NSD3: variants seen among roughly 807,000 people sequenced by gnomAD.
NSD3 encodes the protein nuclear receptor binding SET domain protein 3.
In NSD3, 24 loss-of-function variants were observed where a neutral mutation model predicts 160.8. That is an observed-to-expected ratio of 0.15 (90% confidence interval 0.11 to 0.21). The LOEUF (loss-of-function observed/expected upper bound fraction) is 0.21, where lower values mean the gene tolerates loss of function less well. NSD3 is among the 10% of genes least tolerant of loss of function. The pLI is 1.00. For missense variants in NSD3, 1,157 were observed against 1,735.9 expected (o/e 0.67, Z 5.93); for synonymous variants, 520 against 600.0 (o/e 0.87, Z 1.95).
intron 1 of NSD3, among the ~76,000 whole-genome samples, chr8:38,365,423 G>C (rs761969838): frequency 6.6e-6 from 1 of 152,196 alleles, no homozygotes. Flanking sequence ...GGAAATTTCA[G>C]ATAGTGATAT....
chr8:38,367,751 C>A (rs1277405811), intron 1 of NSD3, among the ~76,000 whole-genome samples: 1 of 152,072 alleles, frequency 6.6e-6, no homozygotes, highest in African/African-American at 2.4e-5. Flanking sequence ...TAAATCTCAT[C>A]TATCACCTTA....
chr8:38,346,816 AAAAT>A (rs1173632062), intron 2 of NSD3, among the ~76,000 whole-genome samples: 2 of 152,218 alleles, frequency 1.3e-5, no homozygotes, highest in Non-Finnish European at 1.5e-5. Context: ...AGCTGTCATA[AAAAT>A]AAATATAGTT....
At chr8:38,315,638 AT>A in intron 10 of NSD3, 94 bp from the exon 11 acceptor site, 1 of 1,523,886 alleles carries the variant, frequency 6.6e-7, no homozygotes, top group Non-Finnish European at 8.9e-7. Flanking sequence ...TTGCTCAAAC[AT>A]TAGATCTTGA....
intron 19 of NSD3, among the ~76,000 whole-genome samples, chr8:38,281,997 G>GT (rs796557498): frequency 6.6e-6 from 1 of 152,280 alleles, no homozygotes; most frequent in African/African-American, 2.4e-5. Context: ...TTCTTTTCAA[G>GT]TAATTACTGA....
intron 22 of NSD3, 160 bp from the exon 23 acceptor site, chr8:38,276,660 A>AT: frequency 1.4e-6 from 1 of 729,414 alleles, no homozygotes; most frequent in Non-Finnish European, 2.2e-6. Context: ...TATAACAAAA[A>AT]TAAAGTTTTG....
intron 4 of NSD3, among the ~76,000 whole-genome samples, chr8:38,336,982 A>G (rs1309287790): frequency 6.6e-6 from 1 of 152,114 alleles, no homozygotes; most frequent in Non-Finnish European, 1.5e-5. Context: ...TCTGTATTAA[A>G]AATACAAAAA....
Position 38,329,951 on chromosome 8 carries a change from G to A in NSD3, c.1066-58C>T, listed in dbSNP as rs1810014079. 1 of 1,497,584 alleles carries A rather than the reference G, an allele frequency of 6.7e-7. No individual in the cohort carries two copies. The highest frequency in any genetic ancestry group is 1.4e-5 in the African/African-American group (1 of 71,504). 92.8% of individuals were successfully genotyped at this position (1,497,584 alleles called of 1,614,324 possible). ...TTACTCTAATAGGTACATTAAAATTGATATGTATTTCCCATGTGATCCTGT... is the reference window on the plus strand; with the variant it reads ...TTACTCTAATAGGTACATTAAAATTAATATGTATTTCCCATGTGATCCTGT... On this transcript the variant is annotated intron_variant, in intron 5 of 23. Transcript: ENST00000317025. This position sits in a 1 kb window ranked among gnomAD's most constrained non-coding sequence, Gnocchi z 4.8.
At chr8:38,358,036 G>A (rs1235922847) in intron 1 of NSD3, among the ~76,000 whole-genome samples, 3 of 151,984 alleles carry the variant, frequency 2.0e-5, no homozygotes. Flanking sequence ...CAGAGGGAGT[G>A]TTAACCCAAC....
In NSD3 at chr8:38,275,469, C is replaced by G. The variant is rs544608791; in HGVS notation, c.*172G>C. The G allele has an allele frequency of 6.4e-6, 4 of 628,222 alleles. No homozygotes were observed. The highest frequency in any genetic ancestry group is 1.8e-5 in the African/African-American group (1 of 54,460). 38.9% of individuals were successfully genotyped at this position (628,222 alleles called of 1,614,324 possible). On this transcript the variant is annotated 3_prime_UTR_variant, in exon 24 of 24. Coordinates refer to ENST00000317025, the MANE Select transcript of NSD3 (RefSeq NM_023034.2). ...AGAATCCCAAACCAACCAAATCAAA[C>G]AAAAACCAGACACCACCAACTGCTT... is the stretch of plus-strand genomic sequence containing the variant.
At chr8:38,355,933 T>C (rs1768412920) in intron 1 of NSD3, among the ~76,000 whole-genome samples, 1 of 152,158 alleles carries the variant, frequency 6.6e-6, no homozygotes. Flanking sequence ...TGAGATCAAG[T>C]AAATGGAGGG....
intron 11 of NSD3, 22 bp from the exon 12 acceptor site, chr8:38,314,795 T>A (rs1170415075): frequency 6.2e-7 from 1 of 1,610,256 alleles, no homozygotes; most frequent in East Asian, 2.2e-5. Flanking sequence ...CAAAAAGCAG[T>A]GGTTCTCAAA....
In NSD3 at chr8:38,275,594, T is replaced by C. The variant is rs1366763234; in HGVS notation, c.*47A>G. On this transcript the variant is annotated 3_prime_UTR_variant, in exon 24 of 24. Transcript: ENST00000317025. The stretch of plus-strand genomic sequence containing the variant: ...CAGTCTCTTCTTTTTAAATGCATGA[T>C]CTATTTGCTTTTTTCACTTAAATAG... 1 of 1,543,250 alleles carries C rather than the reference T, an allele frequency of 6.5e-7. No individual in the cohort carries two copies. The highest frequency in any genetic ancestry group is 8.8e-7 in the Non-Finnish European group (1 of 1,131,034).
At chr8:38,369,605 C>T (rs1391758681) in intron 1 of NSD3, among the ~76,000 whole-genome samples, 2 of 152,136 alleles carry the variant, frequency 1.3e-5, no homozygotes, top group East Asian at 1.9e-4. Flanking sequence ...AACTATGTGT[C>T]TGGTACAGTT....
At chr8:38,354,742 A>C (rs540947333) in intron 1 of NSD3, among the ~76,000 whole-genome samples, 2 of 152,262 alleles carry the variant, frequency 1.3e-5, no homozygotes, top group African/African-American at 4.8e-5. Context: ...GAAAAAAAAA[A>C]CAAATGATTT....
In NSD3 at chr8:38,275,611, C is replaced by T. The variant is rs748973345; in HGVS notation, c.*30G>A. The T allele has an allele frequency of 7.6e-6, 12 of 1,586,638 alleles. No homozygotes were observed. Among genetic ancestry groups the T allele is most frequent in the Non-Finnish European group, 1.0e-5 (12 of 1,163,112 alleles). On this transcript the variant is annotated 3_prime_UTR_variant, in exon 24 of 24. Coordinates refer to ENST00000317025, the MANE Select transcript of NSD3 (RefSeq NM_023034.2). ...ATGCATGATCTATTTGCTTTTTTCA[C>T]TTAAATAGAAAGGAGGGGACACCAC...
intron 6 of NSD3, among the ~76,000 whole-genome samples, chr8:38,328,357 A>T (rs949869310): frequency 6.6e-6 from 1 of 152,212 alleles, no homozygotes; most frequent in Non-Finnish European, 1.5e-5. Context: ...GAATAAAGCC[A>T]ATTTGTACTC....
At chr8:38,325,651 C>T (rs945616329) in intron 7 of NSD3, among the ~76,000 whole-genome samples, 1 of 152,102 alleles carries the variant, frequency 6.6e-6, no homozygotes, top group African/African-American at 2.4e-5. Flanking sequence ...GCAGGTAGAT[C>T]GCTTGAATCC....
intron 1 of NSD3, among the ~76,000 whole-genome samples, chr8:38,368,834 A>G (rs1471157756): frequency 6.6e-6 from 1 of 152,196 alleles, no homozygotes; most frequent in Non-Finnish European, 1.5e-5. Flanking sequence ...ACTACAAACA[A>G]CTTTCATCAG....
intron 1 of NSD3, among the ~76,000 whole-genome samples, chr8:38,360,870 A>G (rs758054015): frequency 9.2e-5 from 14 of 152,252 alleles, no homozygotes; most frequent in Non-Finnish European, 2.1e-4. Flanking sequence ...AACAACATGC[A>G]TCCAAAACAA....
Sources: gnomAD v4.1 joint callset for allele counts (sites outside exome capture counted in the v4.1 genomes callset) on GRCh38, gnomAD v4.1.1 for gene constraint, Gnocchi (gnomAD v3.1) non-coding constraint, MANE v1.5 for transcripts, NCBI Gene and HGNC (gene_info 2026-07-23, HGNC 2026-07-21) for gene names.